The following AGBL1 variants were observed in gnomAD, a reference collection of about 807,000 sequenced individuals.
AGBL1 encodes AGBL carboxypeptidase 1.
AGBL1 carries 130 observed loss-of-function variants against 118.9 expected under a neutral mutation model. That is an observed-to-expected ratio of 1.09 (90% CI 0.95 to 1.26). The LOEUF is 1.26. AGBL1 is among the 50% of genes most tolerant of loss of function. The probability of loss-of-function intolerance (pLI) is 0.00; values close to 1 mark genes in which losing one functional copy is unlikely to be tolerated. For synonymous variants in AGBL1, 555 were observed against 478.9 expected, an observed-to-expected ratio of 1.16 and a Z score of -2.08; for missense variants, 1,584 against 1,298.1, an observed-to-expected ratio of 1.22 and a Z score of -3.38.
intron 1 of AGBL1, among the ~76,000 whole-genome samples, chr15:86,092,059 T>A (rs1322465386): frequency 6.6e-6 from 1 of 152,198 alleles, no homozygotes; most frequent in African/African-American, 2.4e-5. Context: ...AAAATAGTTG[T>A]CCTTCATCTA....
chr15:86,593,226 A>G (rs1207202051), intron 21 of AGBL1, among the ~76,000 whole-genome samples: 2 of 151,474 alleles, frequency 1.3e-5, no homozygotes, highest in African/African-American at 2.4e-5. Context: ...GCACCACAAA[A>G]TGTTTCTTAC....
chr15:86,307,156 T>C (rs2079853765), intron 17 of AGBL1, among the ~76,000 whole-genome samples: 1 of 152,196 alleles, frequency 6.6e-6, no homozygotes, highest in South Asian at 2.1e-4. Context: ...CTAATTTGTA[T>C]TTTTGGGGGC....
chr15:86,128,214 C>T (rs2076773072), intron 1 of AGBL1, among the ~76,000 whole-genome samples: 1 of 151,954 alleles, frequency 6.6e-6, no homozygotes, highest in Non-Finnish European at 1.5e-5. Context: ...TCTTCACACT[C>T]ATGGCAGAAG....
intron 22 of AGBL1, among the ~76,000 whole-genome samples, chr15:86,696,341 T>C (rs2086258709): frequency 6.6e-6 from 1 of 152,014 alleles, no homozygotes; most frequent in African/African-American, 2.4e-5. Context: ...AATGTTTCTC[T>C]TTGTCTTTTT....
intron 1 of AGBL1, among the ~76,000 whole-genome samples, chr15:86,129,293 G>A (rs546158659): frequency 6.6e-6 from 1 of 152,242 alleles, no homozygotes; most frequent in South Asian, 2.1e-4. Flanking sequence ...GCGTTTGTGT[G>A]TATAGGAATC....
At chr15:86,250,386 C>T (rs572049877) in intron 7 of AGBL1, among the ~76,000 whole-genome samples, 9 of 151,372 alleles carry the variant, frequency 5.9e-5, no homozygotes, top group East Asian at 5.9e-4. Flanking sequence ...ATTAGCCGGG[C>T]GTGGTAGCAT....
intron 17 of AGBL1, among the ~76,000 whole-genome samples, chr15:86,362,241 A>G (rs1249943913): frequency 6.6e-6 from 1 of 152,200 alleles, no homozygotes; most frequent in Non-Finnish European, 1.5e-5. Flanking sequence ...TACATCTTTT[A>G]ATATTTTTAT....
At chr15:86,271,327 G>T (rs2079158317) in intron 14 of AGBL1, among the ~76,000 whole-genome samples, 1 of 152,078 alleles carries the variant, frequency 6.6e-6, no homozygotes, top group East Asian at 1.9e-4. Flanking sequence ...CTCCCAAAGT[G>T]CTGGTATTAC....
intron 22 of AGBL1, among the ~76,000 whole-genome samples, chr15:86,818,521 G>T (rs550201995): frequency 1.3e-5 from 2 of 152,314 alleles, no homozygotes; most frequent in African/African-American, 4.8e-5. Context: ...CCCAACTGTG[G>T]TCCCTGGAAA....
At chr15:86,315,559 CAAAA>C (rs887804873) in intron 17 of AGBL1, among the ~76,000 whole-genome samples, 1 of 150,046 alleles carries the variant, frequency 6.7e-6, no homozygotes, top group African/African-American at 2.4e-5. Context: ...ACTAATAATA[CAAAA>C]AAAAACTAGC....
chr15:86,442,248 A>G (rs1004117967), intron 18 of AGBL1, among the ~76,000 whole-genome samples: 1 of 152,194 alleles, frequency 6.6e-6, no homozygotes, highest in Non-Finnish European at 1.5e-5. Context: ...GCAGGCTGAG[A>G]GTGAAGGAGA....
In AGBL1 at chr15:86,269,892, C is replaced by T. The variant is rs968631569; in HGVS notation, c.1839-27C>T. On this transcript the variant is annotated intron_variant, in intron 13 of 22. Transcript: ENST00000614907. ...TTTACCTGAAAGACTTTCCAGATAA[C>T]CCTCCAGTCTTGCTTCTGATCTGCA... 3 of 1,608,248 alleles carry T rather than the reference C, an allele frequency of 1.9e-6. No individual in the cohort carries two copies. In the Admixed American group the frequency reaches 5.0e-5, roughly 27 times the overall value.
chr15:86,463,125 G>A (rs972725464), intron 18 of AGBL1, among the ~76,000 whole-genome samples: 3 of 152,014 alleles, frequency 2.0e-5, no homozygotes, highest in Admixed American at 6.5e-5. Context: ...TTTAATGATC[G>A]CCATTCTAAC....
chr15:86,541,987 A>G (rs1050799725), intron 19 of AGBL1, among the ~76,000 whole-genome samples: 32 of 152,352 alleles, frequency 2.1e-4, no homozygotes, highest in African/African-American at 7.7e-4. Context: ...ATAAGGGCAG[A>G]AATTCACTAG....
chr15:86,211,435 G>T (rs1342047981), intron 5 of AGBL1, among the ~76,000 whole-genome samples: 1 of 152,196 alleles, frequency 6.6e-6, no homozygotes, highest in Non-Finnish European at 1.5e-5. Flanking sequence ...GCTACGCCCT[G>T]CCCCCAGAGC....
Position 86,270,165 on chromosome 15 carries a change from T to A in AGBL1, c.1987+98T>A. On this transcript the variant is annotated intron_variant, in intron 14 of 22. Transcript: ENST00000614907. ...AGAGCCTTTGCTTGGGTTCAGAGGG[T>A]TTGAAGTTGGGCAGAGTTTTGGGTT... is the stretch of plus-strand genomic sequence containing the variant. 2.7e-6 allele frequency: 4 copies of A among 1,459,658 alleles called. No homozygotes were observed. The South Asian group carries it at 4.2e-5, about 15-fold the overall frequency. 90.4% of individuals were successfully genotyped at this position (1,459,658 alleles called of 1,614,324 possible). A position where few individuals can be genotyped will look rare whatever the true frequency, so the allele number is the denominator to read the frequency against.
At chr15:86,964,909 G>A (rs1050011244) in intron 23 of AGBL1, among the ~76,000 whole-genome samples, 1 of 152,132 alleles carries the variant, frequency 6.6e-6, no homozygotes, top group Non-Finnish European at 1.5e-5. Context: ...GTGACAGTTT[G>A]TTGAGAATAA....
At chr15:86,864,660 G>A (rs2079600785) in intron 22 of AGBL1, among the ~76,000 whole-genome samples, 1 of 152,112 alleles carries the variant, frequency 6.6e-6, no homozygotes, top group African/African-American at 2.4e-5. Context: ...CAAATGTCAT[G>A]ACTCTTTCAT....
chr15:86,779,767 G>T (rs2078306208), intron 22 of AGBL1, among the ~76,000 whole-genome samples: 2 of 151,920 alleles, frequency 1.3e-5, no homozygotes, highest in Admixed American at 6.6e-5. Context: ...TTTTTCAGAT[G>T]ACTAATAAAA....
Sources: allele counts gnomAD v4.1 joint callset (sites outside exome capture counted in the v4.1 genomes callset), GRCh38; gene constraint gnomAD v4.1.1; transcripts MANE v1.5; gene names NCBI Gene and HGNC (gene_info 2026-07-23, HGNC 2026-07-21).